Variants in AGBL3 observed in about 807,000 individuals in gnomAD.
The protein encoded by AGBL3 is AGBL carboxypeptidase 3, also known as cytosolic carboxypeptidase 3.
Under a neutral mutation model 94.5 loss-of-function variants are expected in AGBL3, and 68 were observed. That is an observed-to-expected ratio of 0.72 (90% CI 0.59 to 0.88). AGBL3 has a LOEUF of 0.88. AGBL3 is among the 40% of genes least tolerant of loss of function. AGBL3 has a pLI of 0.00. For missense variants in AGBL3, 934 were observed against 1,103.8 expected (o/e 0.85, Z 2.18); for synonymous variants, 354 against 370.7 (o/e 0.95, Z 0.52).
chr7:135,096,252 T>C (rs568043749), intron 15 of AGBL3, among the ~76,000 whole-genome samples: 1 of 152,170 alleles, frequency 6.6e-6, no homozygotes, highest in African/African-American at 2.4e-5. Flanking sequence ...ATTGGGATCA[T>C]GTTTCCTAAG....
chr7:135,070,289 C>T (rs1163038891), intron 12 of AGBL3, among the ~76,000 whole-genome samples: 1 of 152,170 alleles, frequency 6.6e-6, no homozygotes, highest in African/African-American at 2.4e-5. Flanking sequence ...CGAATTCTAC[C>T]AGATGTACAA....
rs1364117127 is a variant in AGBL3, at chr7:135,034,426, T to C, written c.835T>C (p.Ser279Pro). 10 of 1,551,630 alleles carry C rather than the reference T, an allele frequency of 6.4e-6. No homozygotes were observed. The highest frequency in any genetic ancestry group is 4.8e-5 in the South Asian group (4 of 84,066). Residue 279 changes from serine to proline, a missense_variant, in exon 7 of 17, where the codon TCT (serine) becomes CCT (proline). By Grantham distance (74) the Ser-to-Pro change is moderately conservative. Coordinates refer to ENST00000436302, the MANE Select transcript of AGBL3 (RefSeq NM_178563.4). Reference protein sequence around the residue: ...NPGQDGRHYFSLTWTFQFPHN... With the variant: ...NPGQDGRHYFPLTWTFQFPHN... The stretch of plus-strand genomic sequence containing the variant: ...AGGCCAAGATGGGCGCCATTATTTC[T>C]CTCTTACATGGACATTTCAATTTCC...
intron 15 of AGBL3, among the ~76,000 whole-genome samples, chr7:135,103,908 A>G (rs1417038313): frequency 2.0e-5 from 3 of 151,944 alleles, no homozygotes; most frequent in South Asian, 2.1e-4. Flanking sequence ...GATGTTCATC[A>G]TGGTATTATT....
At chr7:135,004,336 A>G (rs10954475) in intron 4 of AGBL3, among the ~76,000 whole-genome samples, 141,084 of 151,604 alleles carry the variant, frequency 0.93, 66,421 homozygotes, top group Non-Finnish European at 1. Context: ...CTGTTTTCTC[A>G]TTTTATGCAG....
At chr7:135,037,872 GT>G (rs945466863) in intron 8 of AGBL3, among the ~76,000 whole-genome samples, 8 of 151,840 alleles carry the variant, frequency 5.3e-5, no homozygotes, top group African/African-American at 1.5e-4. Flanking sequence ...AATTTTAGGG[GT>G]TTTTTTATTG....
intron 4 of AGBL3, among the ~76,000 whole-genome samples, chr7:135,014,197 GAAAAAAAAAAAAAAAA>G (rs58580550): frequency 1.5e-5 from 1 of 65,528 alleles, no homozygotes; most frequent in Non-Finnish European, 2.7e-5. Context: ...CTCTGTCTCT[GAAAAAAAAAAAAAAAA>G]AAAAAAAAAA....
At chr7:135,029,917 G>A (rs534972259) in intron 5 of AGBL3, among the ~76,000 whole-genome samples, 1 of 152,254 alleles carries the variant, frequency 6.6e-6, no homozygotes, top group South Asian at 2.1e-4. Context: ...GGGGGAATGG[G>A]TGGTGGTGGA....
chr7:135,084,172 T>C (rs1210086968), intron 15 of AGBL3, among the ~76,000 whole-genome samples: 8 of 152,212 alleles, frequency 5.3e-5, no homozygotes, highest in Admixed American at 5.2e-4. Flanking sequence ...GCAATGTTTC[T>C]TTCAATAATG....
In AGBL3 at chr7:135,073,456, G is replaced by C. The variant is rs191589535; in HGVS notation, c.1909-2941G>C. 1.3e-3 allele frequency among the ~76,000 whole-genome samples: 192 copies of C among 150,624 alleles called. 3 individuals carry two copies. Among genetic ancestry groups the C allele is most frequent in the African/African-American group, 4.7e-3 (190 of 40,858 alleles). On this transcript the variant is annotated intron_variant, in intron 12 of 16. Coordinates refer to ENST00000436302, the MANE Select transcript of AGBL3 (RefSeq NM_178563.4). ...ACTGCACTCCAGCCCACGTGACAGT[G>C]CAAGACTCCGTCTCAAAATAAATAA...
At chr7:135,065,859 C>A (rs993848391) in intron 12 of AGBL3, among the ~76,000 whole-genome samples, 1 of 152,052 alleles carries the variant, frequency 6.6e-6, no homozygotes, top group Admixed American at 6.6e-5. Context: ...CCACTGCACT[C>A]GAGCCTGAGC....
At chr7:135,015,943 A>C (rs5021560) in intron 4 of AGBL3, among the ~76,000 whole-genome samples, 52,599 of 149,768 alleles carry the variant, frequency 0.35, 9,627 homozygotes, top group South Asian at 0.48. Flanking sequence ...AGGCAGGAGA[A>C]TGGCGTGAAC....
chr7:135,104,465 G>A (rs1438961349), intron 15 of AGBL3, among the ~76,000 whole-genome samples: 3 of 152,086 alleles, frequency 2.0e-5, no homozygotes, highest in Admixed American at 2.0e-4. Context: ...TTACCAGGTT[G>A]AGTGGTAATT....
intron 11 of AGBL3, among the ~76,000 whole-genome samples, chr7:135,051,924 A>T (rs537907890): frequency 1.3e-5 from 2 of 152,094 alleles, no homozygotes; most frequent in African/African-American, 2.4e-5. Flanking sequence ...TATTTTTTCT[A>T]TGTGGCTATG....
chr7:135,051,610 G>A (rs1028984396), intron 11 of AGBL3, among the ~76,000 whole-genome samples: 3 of 151,738 alleles, frequency 2.0e-5, no homozygotes, highest in Non-Finnish European at 2.9e-5. Context: ...TTTTTTCCAG[G>A]GGATTGAGTT....
chr7:135,115,254 T>C, intron 15 of AGBL3, 126 bp from the exon 16 acceptor site: 1 of 585,692 alleles, frequency 1.7e-6, no homozygotes, highest in South Asian at 2.7e-5. Flanking sequence ...CTGCCCACTG[T>C]CATTAAAGTA....
chr7:135,104,417 T>C (rs1666033764), intron 15 of AGBL3, among the ~76,000 whole-genome samples: 1 of 152,174 alleles, frequency 6.6e-6, no homozygotes. Flanking sequence ...TATGATAAAA[T>C]GATTTATATT....
intron 4 of AGBL3, chr7:134,995,181 T>C (rs1810848388): frequency 1.3e-5 from 2 of 152,216 alleles, no homozygotes; most frequent in African/African-American, 4.8e-5. Context: ...CTACTGCTCC[T>C]ACTGTGACTT....
intron 10 of AGBL3, 101 bp from the exon 11 acceptor site, chr7:135,045,698 A>C: frequency 7.7e-7 from 1 of 1,306,782 alleles, no homozygotes. Flanking sequence ...TTAGCACTTA[A>C]TTTCCCAGTA....
chr7:135,062,010 G>A (rs117544916), intron 12 of AGBL3, among the ~76,000 whole-genome samples: 3,259 of 152,078 alleles, frequency 0.021, 66 homozygotes, highest in Non-Finnish European at 0.028. Context: ...TCTGATCCAT[G>A]AGCACAAGAT....
Sources: gnomAD v4.1 joint callset for allele counts (sites outside exome capture counted in the v4.1 genomes callset) on GRCh38, gnomAD v4.1.1 for gene constraint, MANE v1.5 for transcripts, NCBI Gene and HGNC (gene_info 2026-07-23, HGNC 2026-07-21) for gene names.